The following SLC15A1 variants were observed in gnomAD, a reference collection of about 807,000 sequenced individuals.
SLC15A1 encodes solute carrier family 15 member 1, also known as Caco-2 oligopeptide transporter.
Under a neutral mutation model 92.9 loss-of-function variants are expected in SLC15A1, and 83 were observed. The observed-to-expected ratio is 0.89, with a 90% confidence interval of 0.75 to 1.07. The LOEUF is 1.07. Among genes scored for constraint, SLC15A1 ranks in the 50% least tolerant of loss-of-function variants. SLC15A1 has a pLI of 0.00. For missense variants in SLC15A1, 857 were observed against 880.1 expected, an observed-to-expected ratio of 0.97 and a Z score of 0.33; for synonymous variants, 322 against 318.2, an observed-to-expected ratio of 1.01 and a Z score of -0.13.
intron 1 of SLC15A1, among the ~76,000 whole-genome samples, chr13:98,746,576 T>C (rs2088494721): frequency 6.6e-6 from 1 of 152,246 alleles, no homozygotes; most frequent in Non-Finnish European, 1.5e-5. Context: ...TGTATAAACA[T>C]CTGCCATGTC....
chr13:98,734,918 G>A (rs1413357129), intron 1 of SLC15A1, among the ~76,000 whole-genome samples: 1 of 152,172 alleles, frequency 6.6e-6, no homozygotes, highest in Non-Finnish European at 1.5e-5. Context: ...AGAGGAGCTG[G>A]TACCATTCCT....
intron 4 of SLC15A1, among the ~76,000 whole-genome samples, chr13:98,725,483 T>C (rs1379600458): frequency 1.3e-5 from 2 of 152,126 alleles, no homozygotes; most frequent in Non-Finnish European, 2.9e-5. Context: ...CAAGGGGGTA[T>C]TTTAGAGAGT....
Position 98,723,981 on chromosome 13 carries a change from G to C in SLC15A1, c.296C>G (p.Ser99Ter). 6.2e-7 allele frequency: 1 copy of C among 1,614,210 alleles called. No homozygotes were observed. The highest frequency in any genetic ancestry group is 8.5e-7 in the Non-Finnish European group (1 of 1,180,032). ...IVYTIGQAVT[S>*]VSSINDLTDH... Reference sequence around the variant, plus strand: ...TGTGAGGTCATTAATGGAGCTTACTGAGGTGACTGCTTGTCCAATTGTGTA... The same window carrying C: ...TGTGAGGTCATTAATGGAGCTTACTCAGGTGACTGCTTGTCCAATTGTGTA... The change falls in exon 5 of 23, where the codon TCA becomes TGA. Residue 99 changes from serine (S) to a stop codon, truncating the protein, a stop_gained. Transcript: ENST00000376503. LOFTEE classifies it high-confidence loss of function.
intron 1 of SLC15A1, among the ~76,000 whole-genome samples, chr13:98,751,473 G>T (rs1470954555): frequency 6.6e-6 from 1 of 152,214 alleles, no homozygotes; most frequent in Non-Finnish European, 1.5e-5. Flanking sequence ...CAGCAAAGTT[G>T]CATAGAGTGA....
At position 98,706,126 on chromosome 13, in the gene SLC15A1, C is replaced by T. The variant is rs774515957; in HGVS notation, c.1269+8G>A. 16 of 1,601,932 alleles carry T rather than the reference C, an allele frequency of 1.0e-5. No individual in the cohort carries two copies. The highest frequency in any genetic ancestry group is 3.4e-6 in the Non-Finnish European group (4 of 1,177,388). On this transcript the variant is annotated splice_region_variant and intron_variant, in intron 16 of 22. Coordinates refer to ENST00000376503, the MANE Select transcript of SLC15A1 (RefSeq NM_005073.4). Reference sequence around the variant, plus strand: ...TGAAAAAGAAGGCAGCAATTTCCTTCTACTTACTTGAGACATTGGGCCAAG... The same window carrying T: ...TGAAAAAGAAGGCAGCAATTTCCTTTTACTTACTTGAGACATTGGGCCAAG...
intron 18 of SLC15A1, among the ~76,000 whole-genome samples, chr13:98,702,089 T>G (rs1372994270): frequency 2.6e-5 from 4 of 152,198 alleles, no homozygotes; most frequent in African/African-American, 9.6e-5. Context: ...AGTGGAAAAA[T>G]CTTACCTTGT....
rs79241963 is a variant in SLC15A1 at position 98,696,858 on chromosome 13, G to A, written c.1466+5622C>T. On this transcript the variant is annotated intron_variant, in intron 18 of 22. Transcript: ENST00000376503. ...CCTCCTTTAAAGGTGATTAGGATGG[G>A]TCTTAATCCAATGTGACAAGTGTTC... is the stretch of plus-strand genomic sequence containing the variant. Among the ~76,000 whole-genome samples, 1,007 of 152,148 alleles carry A rather than the reference G, an allele frequency of 6.6e-3. 43 individuals are homozygous for A. The East Asian group carries it at 0.11, about 16-fold the overall frequency.
In SLC15A1 at chr13:98,711,908, CCTCGTAACCAT is replaced by C; in HGVS notation, c.835_845del (p.Met279GlyfsTer16). On this transcript the variant is annotated frameshift_variant, in exon 11 of 23. Transcript: ENST00000376503. LOFTEE classifies it high-confidence loss of function. ...GGAGTGGAATATACAGGAACATCAC[CCTCGTAACCAT>C]CTTAATTTGGGAGATGAGCCGCTCC... 6.2e-7 allele frequency: 1 copy of C among 1,613,302 alleles called. No homozygotes were observed. Among genetic ancestry groups the C allele is most frequent in the Non-Finnish European group, 8.5e-7 (1 of 1,179,960 alleles).
chr13:98,741,702 T>G (rs1203019536), intron 1 of SLC15A1, among the ~76,000 whole-genome samples: 2 of 124,546 alleles, frequency 1.6e-5, no homozygotes, highest in African/African-American at 6.3e-5. Flanking sequence ...CCAGCCTGGG[T>G]GACAGAGGGA....
chr13:98,724,140 GA>G (rs1438416309), intron 4 of SLC15A1, 109 bp from the exon 5 acceptor site: 16 of 1,327,556 alleles, frequency 1.2e-5, no homozygotes, highest in Non-Finnish European at 2.1e-6. Context: ...GCCCAATCCT[GA>G]ATACACTTAT....
intron 15 of SLC15A1, among the ~76,000 whole-genome samples, 156 bp from the exon 16 acceptor site, chr13:98,706,409 G>C (rs541010284): frequency 6.6e-6 from 1 of 152,138 alleles, no homozygotes; most frequent in Admixed American, 6.6e-5. Context: ...CACAGACCTC[G>C]TGGCACCCAC....
At chr13:98,690,167 G>A (rs970632306) in intron 18 of SLC15A1, among the ~76,000 whole-genome samples, 2 of 152,194 alleles carry the variant, frequency 1.3e-5, no homozygotes, top group African/African-American at 4.8e-5. Flanking sequence ...GTACACCTCA[G>A]CAGTGTAAAG....
intron 18 of SLC15A1, among the ~76,000 whole-genome samples, chr13:98,691,610 C>A (rs2087977472): frequency 6.6e-6 from 1 of 152,150 alleles, no homozygotes; most frequent in Non-Finnish European, 1.5e-5. Context: ...TCCCTCCAAT[C>A]TTATTGTGTT....
At chr13:98,730,888 G>T (rs1433892298) in intron 1 of SLC15A1, among the ~76,000 whole-genome samples, 5 of 152,178 alleles carry the variant, frequency 3.3e-5, no homozygotes, top group Non-Finnish European at 7.3e-5. Context: ...CCATGTCCCG[G>T]GTCTCGACCT....
At chr13:98,721,295 G>A (rs1386964417) in intron 7 of SLC15A1, 200 bp downstream of exon 7, 8 of 692,566 alleles carry the variant, frequency 1.2e-5, no homozygotes, top group Non-Finnish European at 1.6e-5. Flanking sequence ...TGGTCACTGG[G>A]ATAAGGGATT....
intron 1 of SLC15A1, among the ~76,000 whole-genome samples, chr13:98,742,521 C>T (rs372139028): frequency 2.6e-5 from 4 of 152,140 alleles, no homozygotes; most frequent in East Asian, 3.9e-4. Flanking sequence ...TGCCTCAAAC[C>T]GCGTGGCTTA....
chr13:98,697,595 A>C (rs1287316417), intron 18 of SLC15A1, among the ~76,000 whole-genome samples: 2 of 150,302 alleles, frequency 1.3e-5, no homozygotes, highest in Non-Finnish European at 3.0e-5. Flanking sequence ...ATGGAAATCA[A>C]CCACAAAGAC....
At chr13:98,736,165 C>A (rs572885268) in intron 1 of SLC15A1, among the ~76,000 whole-genome samples, 77 of 152,238 alleles carry the variant, frequency 5.1e-4, no homozygotes, top group Middle Eastern at 6.8e-3. Flanking sequence ...TGGAACAGAA[C>A]AGAGCCCTCA....
chr13:98,709,735 C>A lies in SLC15A1; in HGVS notation c.978+7G>T. ...TGATCCCTGAAAGCAACTTACATGT[C>A]TTCTACCTGCATCTGATCGGGCTGA... On this transcript the variant is annotated splice_region_variant and intron_variant, in intron 13 of 22. Coordinates refer to ENST00000376503, the MANE Select transcript of SLC15A1 (RefSeq NM_005073.4). 6.2e-7 allele frequency: 1 copy of A among 1,614,206 alleles called. No individual in the cohort carries two copies. Among genetic ancestry groups the A allele is most frequent in the Non-Finnish European group, 8.5e-7 (1 of 1,180,024 alleles).
Sources: allele counts gnomAD v4.1 joint callset (sites outside exome capture counted in the v4.1 genomes callset), GRCh38; gene constraint gnomAD v4.1.1; transcripts MANE v1.5; gene names NCBI Gene and HGNC (gene_info 2026-07-23, HGNC 2026-07-21).